Variants in RBM6 observed in about 807,000 individuals in gnomAD.
RBM6 encodes RNA-binding protein 6.
RBM6 carries 23 observed loss-of-function variants against 140.4 expected under a neutral mutation model. That is an observed-to-expected ratio of 0.16 (90% confidence interval 0.12 to 0.23). The LOEUF is 0.23. Ranked by LOEUF, RBM6 falls within the 10% of genes least tolerant of loss-of-function variation. The probability of loss-of-function intolerance (pLI) is 1.00; values close to 1 mark genes in which losing one functional copy is unlikely to be tolerated. For synonymous variants in RBM6, 439 were observed against 475.6 expected (o/e 0.92, Z 1.00); for missense variants, 1,139 against 1,386.7 (o/e 0.82, Z 2.84).
intron 5 of RBM6, among the ~76,000 whole-genome samples, chr3:49,991,943 T>TTTTA (rs1350222530): frequency 1.3e-4 from 19 of 150,710 alleles, no homozygotes; most frequent in South Asian, 4.2e-4. Flanking sequence ...TTTTATTTTA[T>TTTTA]TTTATTTATT....
intron 4 of RBM6, among the ~76,000 whole-genome samples, chr3:49,974,284 A>G (rs1055524886): frequency 2.6e-5 from 4 of 151,948 alleles, no homozygotes; most frequent in African/African-American, 7.3e-5. Context: ...CAATGGCCCA[A>G]TCAAGGCTCA....
intron 6 of RBM6, among the ~76,000 whole-genome samples, chr3:50,029,283 G>A (rs2088010437): frequency 6.6e-6 from 1 of 152,242 alleles, no homozygotes; most frequent in Non-Finnish European, 1.5e-5. Context: ...TGATATGTGA[G>A]AAGTTGATGC....
intron 7 of RBM6, among the ~76,000 whole-genome samples, chr3:50,050,183 C>T (rs987588392): frequency 6.6e-6 from 1 of 151,974 alleles, no homozygotes; most frequent in Non-Finnish European, 1.5e-5. Context: ...CTTTTTTAAA[C>T]CCTCAAAAGG....
chr3:49,962,570 G>T lies in RBM6; in HGVS notation c.-66-6G>T. 1.5e-6 allele frequency: 2 copies of T among 1,359,962 alleles called. No homozygotes were observed. The highest frequency in any genetic ancestry group is 2.0e-6 in the Non-Finnish European group (2 of 985,372). 84.2% of individuals were successfully genotyped at this position (1,359,962 alleles called of 1,614,324 possible). On this transcript the variant is annotated splice_region_variant and splice_polypyrimidine_tract_variant and intron_variant, in intron 1 of 20. Coordinates refer to ENST00000266022, the MANE Select transcript of RBM6 (RefSeq NM_005777.3). Reference sequence around the variant, plus strand: ...AGTACTAATTTTTGTGGTTTATTTTGTACAGGTACTGCTATAACCAGAATT... The same window carrying T: ...AGTACTAATTTTTGTGGTTTATTTTTTACAGGTACTGCTATAACCAGAATT...
intron 6 of RBM6, among the ~76,000 whole-genome samples, chr3:50,017,608 C>T (rs1426007150): frequency 6.6e-6 from 1 of 151,628 alleles, no homozygotes; most frequent in Non-Finnish European, 1.5e-5. Context: ...GGTCCTTTGC[C>T]CATTTTTTAA....
chr3:49,999,690 C>G (rs3774733), intron 6 of RBM6, among the ~76,000 whole-genome samples, 177 bp downstream of exon 6: 77,252 of 151,312 alleles, frequency 0.51, 20,783 homozygotes, highest in African/African-American at 0.64. Context: ...GCTTTCTCTA[C>G]AAAACTTAAT....
chr3:50,039,219 G>A (rs1194784572), intron 6 of RBM6, among the ~76,000 whole-genome samples: 2 of 151,948 alleles, frequency 1.3e-5, no homozygotes, highest in East Asian at 1.9e-4. Context: ...CCATATCTTT[G>A]TGTGAAAATA....
At chr3:50,058,261 A>G in intron 9 of RBM6, 141 bp from the exon 10 acceptor site, 2 of 1,031,638 alleles carry the variant, frequency 1.9e-6, no homozygotes, top group East Asian at 2.4e-5. Flanking sequence ...AGTATGCAGT[A>G]TTTATTTGTT....
chr3:49,967,114 G>C lies in RBM6; in HGVS notation c.45-356G>C, dbSNP rs911367553. 16 of 585,418 alleles carry C rather than the reference G, an allele frequency of 2.7e-5. No individual in the cohort carries two copies. Among genetic ancestry groups the C allele is most frequent in the Middle Eastern group, 1.6e-3 (2 of 1,254 alleles). The allele number at this position is 585,418 out of a possible 1,614,324, so 36.3% of individuals were successfully genotyped here. On this transcript the variant is annotated intron_variant, in intron 2 of 20. Transcript: ENST00000266022. The surrounding 1 kb of genome is among the most constrained non-coding windows in gnomAD (Gnocchi z 4.0). ...GTCATGTTGACCTTGGAATTCTTAA[G>C]TTCCCTGGCTGTAGGAAATGGAAAT...
chr3:50,019,850 C>G (rs2087385393), intron 6 of RBM6, among the ~76,000 whole-genome samples: 1 of 150,346 alleles, frequency 6.7e-6, no homozygotes. Flanking sequence ...AATGATTTTT[C>G]TGCATCTATT....
At chr3:49,950,679 C>T (rs1402198690) in intron 1 of RBM6, among the ~76,000 whole-genome samples, 2 of 151,268 alleles carry the variant, frequency 1.3e-5, no homozygotes, top group Non-Finnish European at 2.9e-5. Flanking sequence ...CGCTTGAATC[C>T]GGGAGACGGA....
intron 6 of RBM6, among the ~76,000 whole-genome samples, chr3:50,010,921 A>AAG (rs1553650605): frequency 2.0e-5 from 3 of 151,290 alleles, no homozygotes; most frequent in African/African-American, 7.3e-5. Context: ...AAAAAAAAAA[A>AAG]AAAGTTTTTT....
At chr3:50,069,507 CAAAA>C (rs60210595) in intron 18 of RBM6, among the ~76,000 whole-genome samples, 2 of 107,424 alleles carry the variant, frequency 1.9e-5, no homozygotes. Flanking sequence ...GACCTTGTCT[CAAAA>C]AAAAAAAAAA....
At chr3:49,968,870 C>T in intron 3 of RBM6, 122 bp downstream of exon 3, 1 of 1,249,578 alleles carries the variant, frequency 8.0e-7, no homozygotes. Context: ...AGCTCCGCCT[C>T]CTGGGTTCAT....
At chr3:50,054,552 C>G (rs2089623583) in intron 8 of RBM6, among the ~76,000 whole-genome samples, 157 bp downstream of exon 8, 1 of 150,848 alleles carries the variant, frequency 6.6e-6, no homozygotes. Flanking sequence ...GTTGCCCAGG[C>G]TGGAGTGCAG....
intron 5 of RBM6, among the ~76,000 whole-genome samples, chr3:49,987,569 G>A (rs983081741): frequency 2.0e-5 from 3 of 151,942 alleles, no homozygotes; most frequent in Non-Finnish European, 1.5e-5. Flanking sequence ...CGCCCACCTC[G>A]ACCTCCCAAA....
intron 5 of RBM6, among the ~76,000 whole-genome samples, chr3:49,990,820 C>T (rs1348253419): frequency 6.6e-6 from 1 of 152,172 alleles, no homozygotes; most frequent in African/African-American, 2.4e-5. Flanking sequence ...GATGTCTGAA[C>T]ATGTTCAGGA....
chr3:50,023,122 A>C (rs2108799962), intron 6 of RBM6, among the ~76,000 whole-genome samples: 1 of 152,222 alleles, frequency 6.6e-6, no homozygotes, highest in African/African-American at 2.4e-5. Context: ...TTTTTTGAAA[A>C]GTTGAAAATG....
At chr3:50,028,265 C>A (rs1433729719) in intron 6 of RBM6, among the ~76,000 whole-genome samples, 2 of 152,080 alleles carry the variant, frequency 1.3e-5, no homozygotes, top group Admixed American at 6.6e-5. Context: ...GCCTGTGTGT[C>A]TGTTAGTGCT....
Sources: gnomAD v4.1 joint callset for allele counts (sites outside exome capture counted in the v4.1 genomes callset) on GRCh38, gnomAD v4.1.1 for gene constraint, Gnocchi (gnomAD v3.1) non-coding constraint, MANE v1.5 for transcripts, NCBI Gene and HGNC (gene_info 2026-07-23, HGNC 2026-07-21) for gene names.